The following SLC35D4 variants were observed in gnomAD, a reference collection of about 807,000 sequenced individuals.
SLC35D4 encodes the protein UDP-N-acetylglucosamine transporter SLC35D4.
chr18:23,248,643 C>T, the SLC35D4 span, among the ~76,000 whole-genome samples: 2,072 of 149,264 alleles, frequency 0.014, 39 homozygotes, highest in East Asian at 0.078. Context: ...GCCTGACCAA[C>T]ATGGTGAAAC....
chr18:23,408,812 C>CTT, the SLC35D4 span, among the ~76,000 whole-genome samples: 1 of 144,084 alleles, frequency 6.9e-6, no homozygotes. Context: ...TATATCTTAT[C>CTT]TCTCTTTTTT....
chr18:23,276,441 T>C, the SLC35D4 span, among the ~76,000 whole-genome samples: 2 of 151,914 alleles, frequency 1.3e-5, no homozygotes, highest in Middle Eastern at 3.4e-3. Flanking sequence ...TGTTTTTTTT[T>C]TTTTTAGAAA....
At chr18:23,279,978 T>A in the SLC35D4 span, among the ~76,000 whole-genome samples, 1 of 152,208 alleles carries the variant, frequency 6.6e-6, no homozygotes, top group Non-Finnish European at 1.5e-5. Context: ...GTGCTGGGAT[T>A]ACAGGTGTGA....
the SLC35D4 span, among the ~76,000 whole-genome samples, chr18:23,250,993 T>G: frequency 6.6e-6 from 1 of 152,248 alleles, no homozygotes; most frequent in Non-Finnish European, 1.5e-5. Context: ...ATGTCTGTGC[T>G]AAAATCCTGT....
At chr18:23,372,892 G>C in the SLC35D4 span, among the ~76,000 whole-genome samples, 2 of 151,848 alleles carry the variant, frequency 1.3e-5, no homozygotes, top group African/African-American at 4.8e-5. Context: ...AATAATGCTG[G>C]GGGAGAAAAG....
chr18:23,267,213 T>C, the SLC35D4 span, among the ~76,000 whole-genome samples: 2 of 152,182 alleles, frequency 1.3e-5, no homozygotes, highest in Non-Finnish European at 2.9e-5. Context: ...ACCTCATTCC[T>C]GGTAAGATTC....
the SLC35D4 span, among the ~76,000 whole-genome samples, chr18:23,371,752 C>T: frequency 2.9e-4 from 44 of 151,944 alleles, no homozygotes; most frequent in South Asian, 7.9e-3. Context: ...GACAAGCCCC[C>T]ATCAACCCCT....
chr18:23,303,106 C>T, the SLC35D4 span, among the ~76,000 whole-genome samples: 1 of 152,230 alleles, frequency 6.6e-6, no homozygotes, highest in East Asian at 1.9e-4. Flanking sequence ...GCCACCGCCC[C>T]TGCCTGGGCT....
the SLC35D4 span, among the ~76,000 whole-genome samples, chr18:23,410,753 C>T: frequency 1.3e-5 from 2 of 152,142 alleles, no homozygotes; most frequent in South Asian, 2.1e-4. Context: ...GCCAAGATCG[C>T]ACCACTGCAC....
chr18:23,319,670 C>A, the SLC35D4 span, among the ~76,000 whole-genome samples: 1 of 152,196 alleles, frequency 6.6e-6, no homozygotes, highest in Non-Finnish European at 1.5e-5. Context: ...AACTCCTGAC[C>A]TCAGGTGATC....
the SLC35D4 span, among the ~76,000 whole-genome samples, chr18:23,295,846 G>A: frequency 6.6e-6 from 1 of 152,184 alleles, no homozygotes; most frequent in Non-Finnish European, 1.5e-5. Context: ...ACACTACAGG[G>A]CCTGGCTCCC....
chr18:23,387,653 T>C, the SLC35D4 span, among the ~76,000 whole-genome samples: 13 of 152,252 alleles, frequency 8.5e-5, no homozygotes, highest in Non-Finnish European at 1.5e-4. Context: ...TAGCTTTATA[T>C]AGCTGTGCCA....
At chr18:23,356,846 C>G in the SLC35D4 span, among the ~76,000 whole-genome samples, 1 of 152,164 alleles carries the variant, frequency 6.6e-6, no homozygotes, top group African/African-American at 2.4e-5. This position sits in a 1 kb window ranked among gnomAD's most constrained non-coding sequence, Gnocchi z 4.1. Context: ...ATGGTAATAA[C>G]AGTATGATAA....
At chr18:23,286,834 A>T in the SLC35D4 span, among the ~76,000 whole-genome samples, 1 of 151,942 alleles carries the variant, frequency 6.6e-6, no homozygotes, top group Non-Finnish European at 1.5e-5. Context: ...ACTTTAACTA[A>T]ATTATCTGCT....
the SLC35D4 span, among the ~76,000 whole-genome samples, chr18:23,430,251 T>C: frequency 5.3e-5 from 8 of 152,116 alleles, no homozygotes; most frequent in Non-Finnish European, 7.3e-5. Context: ...TTTTTATTTT[T>C]TTTTTGTAGA....
the SLC35D4 span, among the ~76,000 whole-genome samples, chr18:23,270,801 G>T: frequency 2.0e-5 from 3 of 152,190 alleles, no homozygotes; most frequent in Non-Finnish European, 4.4e-5. Flanking sequence ...TGACAAATTG[G>T]TTCTGTCTAG....
the SLC35D4 span, among the ~76,000 whole-genome samples, chr18:23,287,227 C>T: frequency 0.04 from 6,019 of 152,212 alleles, 170 homozygotes; most frequent in South Asian, 0.072. Flanking sequence ...CTATCCACCC[C>T]GTGGTGCCAA....
chr18:23,348,816 C>T, the SLC35D4 span, among the ~76,000 whole-genome samples: 1 of 152,106 alleles, frequency 6.6e-6, no homozygotes, highest in Non-Finnish European at 1.5e-5. Flanking sequence ...TATTTTTTGT[C>T]AGGTATTTAG....
At chr18:23,257,556 G>A in the SLC35D4 span, 1 of 571,366 alleles carries the variant, frequency 1.8e-6, no homozygotes. Flanking sequence ...GGAGCCATGA[G>A]CTATGGACTC....
Sources: gnomAD v4.1 joint callset for allele counts (sites outside exome capture counted in the v4.1 genomes callset) on GRCh38, gnomAD v4.1.1 for gene constraint, Gnocchi (gnomAD v3.1) non-coding constraint, MANE v1.5 for transcripts, NCBI Gene and HGNC (gene_info 2026-07-23, HGNC 2026-07-21) for gene names.